MAP4: variants seen among roughly 807,000 people sequenced by gnomAD.
MAP4 encodes the protein microtubule-associated protein 4.
In MAP4, 76 loss-of-function variants were observed where a neutral mutation model predicts 170.2. That is an observed-to-expected ratio of 0.45 (90% confidence interval 0.37 to 0.54). The LOEUF is 0.54. MAP4 is among the 20% of genes least tolerant of loss of function. The probability of loss-of-function intolerance (pLI) is 0.00; values close to 1 mark genes in which losing one functional copy is unlikely to be tolerated. For synonymous variants in MAP4, 909 were observed against 994.5 expected, an observed-to-expected ratio of 0.91 and a Z score of 1.62; for missense variants, 2,506 against 2,748.0, an observed-to-expected ratio of 0.91 and a Z score of 1.97.
At chr3:48,014,743 C>T (rs1470379692) in intron 1 of MAP4, among the ~76,000 whole-genome samples, 2 of 152,044 alleles carry the variant, frequency 1.3e-5, no homozygotes, top group African/African-American at 4.8e-5. Flanking sequence ...CTTCATTTTA[C>T]TGTGTCACAT....
intron 1 of MAP4, among the ~76,000 whole-genome samples, chr3:48,028,295 G>T (rs554778269): frequency 2.0e-5 from 3 of 152,052 alleles, no homozygotes; most frequent in East Asian, 1.9e-4. Flanking sequence ...CCATCTCTGG[G>T]GGGGGAGGGA....
chr3:48,067,760 C>A (rs894038364), intron 1 of MAP4, among the ~76,000 whole-genome samples: 3 of 151,862 alleles, frequency 2.0e-5, no homozygotes, highest in Admixed American at 1.3e-4. Context: ...CTGCCTTAGC[C>A]TCCCGAGTAG....
intron 3 of MAP4, among the ~76,000 whole-genome samples, chr3:47,968,979 A>G (rs752868821): frequency 2.1e-4 from 32 of 152,248 alleles, no homozygotes; most frequent in Non-Finnish European, 4.3e-4. Context: ...AACAAATTAT[A>G]TAACCTAGAT....
At chr3:47,930,171 C>T (rs370174034) in intron 3 of MAP4, among the ~76,000 whole-genome samples, 1 of 152,026 alleles carries the variant, frequency 6.6e-6, no homozygotes, top group East Asian at 1.9e-4. Flanking sequence ...ACAGGCCGGG[C>T]GCGGTGGCTC....
chr3:47,947,470 TACA>T (rs2100060829), intron 3 of MAP4, among the ~76,000 whole-genome samples: 1 of 151,934 alleles, frequency 6.6e-6, no homozygotes, highest in South Asian at 2.1e-4. Context: ...CCTCTTAGTG[TACA>T]ACAAGGGAGG....
At chr3:48,014,279 A>C (rs1427855402) in intron 1 of MAP4, among the ~76,000 whole-genome samples, 1 of 152,176 alleles carries the variant, frequency 6.6e-6, no homozygotes, top group Non-Finnish European at 1.5e-5. Context: ...CCTCCTGAAA[A>C]TTTTAGGTCA....
At chr3:48,085,454 G>A (rs926012641) in intron 1 of MAP4, among the ~76,000 whole-genome samples, 3 of 152,188 alleles carry the variant, frequency 2.0e-5, no homozygotes, top group Admixed American at 2.0e-4. Context: ...TAATATAAAT[G>A]TATTTGTAAA....
chr3:47,868,664 T>G (rs987488592), intron 16 of MAP4, among the ~76,000 whole-genome samples: 1 of 152,232 alleles, frequency 6.6e-6, no homozygotes, highest in Non-Finnish European at 1.5e-5. Flanking sequence ...TGCCCTCCAG[T>G]TGATGCTGCA....
At position 47,877,409 on chromosome 3, in the gene MAP4, G is replaced by T; in HGVS notation, c.5541+8C>A. The T allele has an allele frequency of 6.2e-7, 1 of 1,605,668 alleles. No individual in the cohort carries two copies. Among genetic ancestry groups the T allele is most frequent in the Non-Finnish European group, 8.5e-7 (1 of 1,172,394 alleles). ...GCAGTAGAAGATAACCACCATTCTG[G>T]CACCTACCTTTGTTTTCTTCTCTGG... On this transcript the variant is annotated splice_region_variant and intron_variant, in intron 11 of 20. Transcript: ENST00000683076.
At chr3:48,032,909 T>G (rs1381105817) in intron 1 of MAP4, among the ~76,000 whole-genome samples, 1 of 152,204 alleles carries the variant, frequency 6.6e-6, no homozygotes, top group African/African-American at 2.4e-5. Flanking sequence ...TAACTTACCC[T>G]TGTTGATCAC....
In MAP4 at chr3:47,871,062, C is replaced by T. The variant is rs201332515; in HGVS notation, c.6045G>A (p.Lys2015=). 6.2e-7 allele frequency: 1 copy of T among 1,611,296 alleles called. No homozygotes were observed. Among genetic ancestry groups the T allele is most frequent in the South Asian group, 1.1e-5 (1 of 90,888 alleles). The change falls in exon 15 of 21, where the codon AAG becomes AAA. Residue 2015 remains lysine (K), a synonymous_variant. Transcript: ENST00000683076. ...RPKSTSTSSM[K]KTTTLSGTAP... is the part of the protein sequence containing the mutation. ...CTGTCCCACTGAGAGTGGTGGTTTT[C>T]TTCATGGAACTGGTGGAGGTGCTCT...
At chr3:48,029,815 C>G (rs959561551) in intron 1 of MAP4, among the ~76,000 whole-genome samples, 13 of 151,616 alleles carry the variant, frequency 8.6e-5, no homozygotes, top group African/African-American at 2.9e-4. Context: ...CTGGCTAACA[C>G]GGTGAAACCC....
Position 47,955,942 on chromosome 3 carries a change from G to A in MAP4, c.292+21923C>T, listed in dbSNP as rs145239773. Reference sequence around the variant, plus strand: ...AGCAAGCAAGAATAAGAGAATCACTGCCCAGACTTCTAGAATTTTGAGAAA... The same window carrying A: ...AGCAAGCAAGAATAAGAGAATCACTACCCAGACTTCTAGAATTTTGAGAAA... On this transcript the variant is annotated intron_variant, in intron 3 of 20. Transcript: ENST00000683076. Among the ~76,000 whole-genome samples the A allele has an allele frequency of 5.6e-3, 854 of 152,236 alleles. 10 individuals carry two copies. Among genetic ancestry groups the A allele is most frequent in the African/African-American group, 0.019 (803 of 41,544 alleles).
At chr3:48,018,740 T>C (rs1413453320), upstream of MAP4, among the ~76,000 whole-genome samples, 1 of 151,780 alleles carries the variant, frequency 6.6e-6, no homozygotes, top group Non-Finnish European at 1.5e-5. Flanking sequence ...GAGGTGGAGG[T>C]TGCAGTGAGC....
chr3:47,956,756 A>C (rs1184471782), intron 3 of MAP4, among the ~76,000 whole-genome samples: 1 of 152,218 alleles, frequency 6.6e-6, no homozygotes. Flanking sequence ...CATGAATATA[A>C]ATGTTAGACA....
chr3:48,054,236 C>T (rs888792116), intron 1 of MAP4, among the ~76,000 whole-genome samples: 2 of 151,546 alleles, frequency 1.3e-5, no homozygotes, highest in Non-Finnish European at 2.9e-5. Flanking sequence ...AGGCGGAGAT[C>T]GCAGTGAGCC....
intron 5 of MAP4, 25 bp from the exon 6 acceptor site, chr3:47,918,866 C>G (rs2100041159): frequency 1.9e-6 from 3 of 1,589,850 alleles, no homozygotes; most frequent in African/African-American, 1.3e-5. Context: ...CAAACAAATA[C>G]ATTTTGAAAC....
intron 3 of MAP4, among the ~76,000 whole-genome samples, chr3:47,946,654 CAAAAAAAAA>C (rs11427271): frequency 1.2e-3 from 50 of 40,820 alleles, no homozygotes; most frequent in Non-Finnish European, 1.6e-3. Context: ...AACTCCGTCT[CAAAAAAAAA>C]AAAAAAAAAA....
At chr3:47,883,475 T>C (rs909437033) in intron 10 of MAP4, among the ~76,000 whole-genome samples, 2 of 152,222 alleles carry the variant, frequency 1.3e-5, no homozygotes, top group Non-Finnish European at 2.9e-5. Context: ...TCCACCCGCC[T>C]TGGCCTCCCA....
Sources: gnomAD v4.1 joint callset for allele counts (sites outside exome capture counted in the v4.1 genomes callset) on GRCh38, gnomAD v4.1.1 for gene constraint, MANE v1.5 for transcripts, NCBI Gene and HGNC (gene_info 2026-07-23, HGNC 2026-07-21) for gene names.